POLR3A: variants seen among roughly 807,000 people sequenced by gnomAD.
The protein encoded by POLR3A is RNA polymerase III subunit A, also known as DNA-directed RNA polymerase III subunit RPC1.
Under a neutral mutation model 152.8 loss-of-function variants are expected in POLR3A, and 112 were observed. That is an observed-to-expected ratio of 0.73 (90% CI 0.63 to 0.86). POLR3A has a LOEUF of 0.86. Ranked by LOEUF, POLR3A falls within the 40% of genes least tolerant of loss-of-function variation. The probability of loss-of-function intolerance (pLI) is 0.00; values close to 1 mark genes in which losing one functional copy is unlikely to be tolerated. For synonymous variants in POLR3A, 615 were observed against 652.1 expected, an observed-to-expected ratio of 0.94 and a Z score of 0.87; for missense variants, 1,385 against 1,743.1, an observed-to-expected ratio of 0.79 and a Z score of 3.66.
intron 9 of POLR3A, among the ~76,000 whole-genome samples, chr10:78,018,463 C>T (rs997228652): frequency 1.3e-5 from 2 of 150,962 alleles, no homozygotes; most frequent in African/African-American, 2.4e-5. Context: ...CGTGCCACTA[C>T]TCTCCAGCCT....
At position 77,982,881 on chromosome 10, in the gene POLR3A, G is replaced by GC. The variant is rs1207349959; in HGVS notation, c.3430-65dup. ...GTTGTTCTTCGTTTATTTCATTGTT[G>GC]CCCCTCTAAGAAGTCCTTTTAGTCA... On this transcript the variant is annotated intron_variant, in intron 26 of 30. Coordinates refer to ENST00000372371, the MANE Select transcript of POLR3A (RefSeq NM_007055.4). 6 of 1,512,050 alleles carry GC rather than the reference G, an allele frequency of 4.0e-6. No individual in the cohort carries two copies. The South Asian group carries it at 5.7e-5, about 14-fold the overall frequency. The allele number at this position is 1,512,050 out of a possible 1,614,324, so 93.7% of individuals were successfully genotyped here. A position where few individuals can be genotyped will look rare whatever the true frequency, so the allele number is the denominator to read the frequency against.
intron 11 of POLR3A, among the ~76,000 whole-genome samples, chr10:78,012,136 G>A (rs1028668035): frequency 4.6e-5 from 7 of 152,230 alleles, no homozygotes; most frequent in East Asian, 1.9e-4. Context: ...AGGCCGAATC[G>A]GGCGGATCAC....
intron 5 of POLR3A, among the ~76,000 whole-genome samples, chr10:78,023,942 A>G (rs542732056): frequency 2.0e-5 from 3 of 152,160 alleles, no homozygotes; most frequent in Non-Finnish European, 4.4e-5. Context: ...GTTTGAGACC[A>G]GACTGGGCAA....
intron 5 of POLR3A, 52 bp downstream of exon 5, chr10:78,024,497 G>C: frequency 6.3e-7 from 1 of 1,598,860 alleles, no homozygotes; most frequent in Non-Finnish European, 8.5e-7. Context: ...GTGACGTGCG[G>C]AAGAGGCAGG....
intron 10 of POLR3A, among the ~76,000 whole-genome samples, chr10:78,015,477 G>C (rs1461970177): frequency 1.3e-5 from 2 of 151,882 alleles, no homozygotes; most frequent in African/African-American, 2.4e-5. Context: ...ACAGGCACGT[G>C]CCACCACACC....
intron 29 of POLR3A, 87 bp downstream of exon 29, chr10:77,981,341 T>C: frequency 7.7e-7 from 1 of 1,295,114 alleles, no homozygotes; most frequent in Non-Finnish European, 1.1e-6. Flanking sequence ...CAGCGTATTC[T>C]ACATGTCTTA....
At chr10:77,979,509 C>T (rs760400331) in intron 30 of POLR3A, among the ~76,000 whole-genome samples, 17 of 152,184 alleles carry the variant, frequency 1.1e-4, no homozygotes, top group African/African-American at 2.9e-4. Flanking sequence ...GAGTTCCCCT[C>T]GTGCTCCCTC....
At chr10:78,012,692 A>T (rs1305827531) in intron 11 of POLR3A, among the ~76,000 whole-genome samples, 3 of 151,972 alleles carry the variant, frequency 2.0e-5, no homozygotes, top group Non-Finnish European at 4.4e-5. Flanking sequence ...CTGGGTCAGG[A>T]GTGAATAGTA....
At chr10:77,988,135 A>G (rs1847214784) in intron 21 of POLR3A, among the ~76,000 whole-genome samples, 1 of 152,062 alleles carries the variant, frequency 6.6e-6, no homozygotes, top group Admixed American at 6.5e-5. Context: ...GTGTTGGCCC[A>G]CTCTCTTTCT....
intron 7 of POLR3A, 78 bp from the exon 8 acceptor site, chr10:78,021,760 G>C (rs2131958238): frequency 6.2e-7 from 1 of 1,609,796 alleles, no homozygotes; most frequent in East Asian, 2.2e-5. Context: ...GAGAGACTGA[G>C]GAAAGCCTGT....
At chr10:77,983,532 A>T (rs959792666) in intron 26 of POLR3A, among the ~76,000 whole-genome samples, 2 of 152,098 alleles carry the variant, frequency 1.3e-5, no homozygotes, top group Non-Finnish European at 2.9e-5. Flanking sequence ...CCCCATCTAA[A>T]CACATTTACT....
At chr10:78,014,430 T>A (rs1312424397) in intron 10 of POLR3A, among the ~76,000 whole-genome samples, 2 of 151,584 alleles carry the variant, frequency 1.3e-5, no homozygotes, top group African/African-American at 2.4e-5. Flanking sequence ...ACCCCCTTTT[T>A]TTTTGAGACG....
chr10:77,994,231 G>T (rs890448443), intron 19 of POLR3A, among the ~76,000 whole-genome samples: 5 of 152,130 alleles, frequency 3.3e-5, no homozygotes, highest in Non-Finnish European at 5.9e-5. Context: ...GACGATTAAA[G>T]GTATCAGATG....
At chr10:78,006,736 T>G (rs1164046223) in intron 15 of POLR3A, among the ~76,000 whole-genome samples, 1 of 152,078 alleles carries the variant, frequency 6.6e-6, no homozygotes. Flanking sequence ...CTTAGCACAG[T>G]GAATGAAAAA....
intron 16 of POLR3A, among the ~76,000 whole-genome samples, chr10:78,002,531 C>CT (rs1046355982): frequency 2.6e-5 from 4 of 151,918 alleles, no homozygotes; most frequent in East Asian, 3.9e-4. Context: ...AACAGTTTAT[C>CT]TTTTTTTTGT....
rs543983710 is a variant in POLR3A at position 77,990,814 on chromosome 10, G to A, written c.2901+240C>T. 8.5e-5 allele frequency among the ~76,000 whole-genome samples: 13 copies of A among 152,054 alleles called. 1 individual carries two copies. Among genetic ancestry groups the A allele is most frequent in the Admixed American group, 7.2e-4 (11 of 15,270 alleles). ...TTTTTAGTAGAGACAGGGTCTCATC[G>A]TGTTGGCCAATCTGGTTTTGAACTC... On this transcript the variant is annotated intron_variant, in intron 21 of 30. Coordinates refer to ENST00000372371, the MANE Select transcript of POLR3A (RefSeq NM_007055.4).
At chr10:77,984,859 T>C (rs897075086) in intron 24 of POLR3A, among the ~76,000 whole-genome samples, 11 of 152,314 alleles carry the variant, frequency 7.2e-5, no homozygotes, top group African/African-American at 2.4e-4. Flanking sequence ...GCTGGAATAA[T>C]GACATCAAAA....
rs765610331 is a variant in POLR3A at position 78,004,892 on chromosome 10, T to G, written c.2075-4A>C. ...CCAATTGAGAAACCACGGTTAGCTGTTGAGTTGGTAGAGCAGGAAGAAAGG... is the reference window on the plus strand; with the variant it reads ...CCAATTGAGAAACCACGGTTAGCTGGTGAGTTGGTAGAGCAGGAAGAAAGG... On this transcript the variant is annotated splice_polypyrimidine_tract_variant and splice_region_variant and intron_variant, in intron 15 of 30. Coordinates refer to ENST00000372371, the MANE Select transcript of POLR3A (RefSeq NM_007055.4). 45 of 1,613,796 alleles carry G rather than the reference T, an allele frequency of 2.8e-5. No homozygotes were observed. The Admixed American group carries it at 7.3e-4, about 26-fold the overall frequency.
chr10:78,005,560 G>C (rs1240762000), intron 15 of POLR3A, among the ~76,000 whole-genome samples: 2 of 152,268 alleles, frequency 1.3e-5, no homozygotes, highest in African/African-American at 4.8e-5. Flanking sequence ...TTCTGGCTTA[G>C]CAGGATAGGA....
Sources: gnomAD v4.1 joint callset for allele counts (sites outside exome capture counted in the v4.1 genomes callset) on GRCh38, gnomAD v4.1.1 for gene constraint, MANE v1.5 for transcripts, NCBI Gene and HGNC (gene_info 2026-07-23, HGNC 2026-07-21) for gene names.